MIS18A: variants seen among roughly 807,000 people sequenced by gnomAD.
MIS18A encodes the protein protein Mis18-alpha.
MIS18A carries 14 observed loss-of-function variants against 25.0 expected under a neutral mutation model. The observed-to-expected ratio is 0.56, with a 90% CI of 0.37 to 0.88. The LOEUF (loss-of-function observed/expected upper bound fraction) is 0.88. MIS18A is among the 40% of genes least tolerant of loss of function. MIS18A has a pLI of 0.00. For missense variants in MIS18A, 292 were observed against 290.8 expected, an observed-to-expected ratio of 1.00 and a Z score of -0.03; for synonymous variants, 134 against 118.6, an observed-to-expected ratio of 1.13 and a Z score of -0.84.
the MIS18A span, among the ~76,000 whole-genome samples, chr21:32,189,029 T>C: frequency 2.6e-5 from 4 of 152,218 alleles, no homozygotes; most frequent in Admixed American, 1.3e-4. Context: ...GGGCTGTCTA[T>C]AGGACCCCCT....
At chr21:32,207,153 C>T in the MIS18A span, among the ~76,000 whole-genome samples, 1,023 of 152,212 alleles carry the variant, frequency 6.7e-3, 13 homozygotes, top group African/African-American at 0.023. Context: ...TACCAGAATA[C>T]GAGGCGTGTT....
the MIS18A span, among the ~76,000 whole-genome samples, chr21:32,205,873 A>T: frequency 6.6e-6 from 1 of 152,170 alleles, no homozygotes; most frequent in African/African-American, 2.4e-5. Context: ...AAGAAAGGTC[A>T]GATTTGCCAT....
chr21:32,159,304 T>C, the MIS18A span, among the ~76,000 whole-genome samples: 9 of 152,340 alleles, frequency 5.9e-5, no homozygotes, highest in African/African-American at 2.2e-4. Context: ...AGAGCCAATA[T>C]TTAAAGTTAT....
the MIS18A span, among the ~76,000 whole-genome samples, chr21:32,205,460 C>G: frequency 1.3e-5 from 2 of 152,068 alleles, no homozygotes; most frequent in African/African-American, 4.8e-5. Flanking sequence ...AGATAGAGCA[C>G]CTGCAATGAA....
At chr21:32,276,882 G>C (rs952303028) in intron 1 of MIS18A, among the ~76,000 whole-genome samples, 1 of 152,136 alleles carries the variant, frequency 6.6e-6, no homozygotes, top group Non-Finnish European at 1.5e-5. Flanking sequence ...AGTGAGCTAT[G>C]ATTGCGCCAC....
downstream of MIS18A, among the ~76,000 whole-genome samples, chr21:32,263,708 G>A (rs1041455509): frequency 1.3e-5 from 2 of 151,894 alleles, no homozygotes; most frequent in Non-Finnish European, 2.9e-5. Context: ...TTTGGGTGTT[G>A]AAAAGAGAAG....
At chr21:32,245,478 A>G in the MIS18A span, among the ~76,000 whole-genome samples, 1 of 152,332 alleles carries the variant, frequency 6.6e-6, no homozygotes, top group African/African-American at 2.4e-5. Context: ...TCTCTGCATT[A>G]TAAGAGGAAT....
At chr21:32,252,276 AGGAGGAAG>A in the MIS18A span, among the ~76,000 whole-genome samples, 1 of 143,016 alleles carries the variant, frequency 7.0e-6, no homozygotes. Flanking sequence ...GAGGAGGAGG[AGGAGGAAG>A]AGAGAAGAGG....
the MIS18A span, among the ~76,000 whole-genome samples, chr21:32,253,611 G>A: frequency 6.6e-6 from 1 of 152,138 alleles, no homozygotes; most frequent in East Asian, 1.9e-4. Flanking sequence ...GGAGGGGAGC[G>A]GGAGAGTGAG....
rs941452772 is a variant in MIS18A at position 32,278,976 on chromosome 21, G to A, written c.39C>T (p.Cys13=). The change falls in exon 1 of 5, where the codon TGC becomes TGT. Residue 13 remains cysteine (C), a synonymous_variant. Transcript: ENST00000290130. The part of the protein sequence containing the change: ...GVRSLRCSRG[C]AGGCECGDKG... ...TGTCGCCGCACTCACAGCCGCCAGC[G>A]CATCCTCTGCTACACCTCAGTGACC... 1.2e-6 allele frequency: 2 copies of A among 1,610,908 alleles called. No homozygotes were observed. Among genetic ancestry groups the A allele is most frequent in the East Asian group, 2.2e-5 (1 of 44,854 alleles).
the MIS18A span, among the ~76,000 whole-genome samples, chr21:32,189,099 G>A: frequency 7.0e-6 from 1 of 142,038 alleles, no homozygotes; most frequent in Non-Finnish European, 1.5e-5. Context: ...CATGGAAGAG[G>A]GGAAGCGGCC....
At chr21:32,212,815 T>C in the MIS18A span, among the ~76,000 whole-genome samples, 1 of 152,024 alleles carries the variant, frequency 6.6e-6, no homozygotes, top group Non-Finnish European at 1.5e-5. Flanking sequence ...GAGTTTCCCC[T>C]GCACAAGCTC....
the MIS18A span, among the ~76,000 whole-genome samples, chr21:32,257,662 T>A: frequency 6.6e-6 from 1 of 152,154 alleles, no homozygotes; most frequent in Admixed American, 6.6e-5. Flanking sequence ...CGGAGCATCC[T>A]AATCCAACCC....
chr21:32,206,776 G>A, the MIS18A span, among the ~76,000 whole-genome samples: 8 of 152,232 alleles, frequency 5.3e-5, no homozygotes, highest in South Asian at 1.0e-3. Context: ...GGTTATTAAA[G>A]GAGATCAGGT....
chr21:32,270,005 TC>T (rs1452619527), intron 3 of MIS18A, among the ~76,000 whole-genome samples: 3 of 151,962 alleles, frequency 2.0e-5, no homozygotes, highest in Non-Finnish European at 4.4e-5. Flanking sequence ...GCCCAGGAGT[TC>T]AAGGATGCAG....
chr21:32,208,251 C>T, the MIS18A span, among the ~76,000 whole-genome samples: 1 of 152,288 alleles, frequency 6.6e-6, no homozygotes, highest in East Asian at 1.9e-4. Flanking sequence ...AATCTCTTGT[C>T]GAATTCTAAT....
chr21:32,269,893 T>A, intron 3 of MIS18A, 90 bp from the exon 4 acceptor site: 1 of 816,936 alleles, frequency 1.2e-6, no homozygotes, highest in Non-Finnish European at 2.1e-6. Flanking sequence ...AGAAGGATCA[T>A]CTGAGGCTAG....
the MIS18A span, among the ~76,000 whole-genome samples, chr21:32,237,140 T>C: frequency 1.4e-5 from 2 of 144,514 alleles, no homozygotes; most frequent in Non-Finnish European, 3.0e-5. Flanking sequence ...AAGAAAGCTA[T>C]AAAGGCCAGG....
chr21:32,273,523 TG>T (rs1416876052), intron 2 of MIS18A, among the ~76,000 whole-genome samples: 3 of 152,134 alleles, frequency 2.0e-5, no homozygotes, highest in Admixed American at 6.5e-5. Flanking sequence ...CTGTCAGAAC[TG>T]GGGACTAAGA....
Sources: allele counts gnomAD v4.1 joint callset (sites outside exome capture counted in the v4.1 genomes callset), GRCh38; gene constraint gnomAD v4.1.1; transcripts MANE v1.5; gene names NCBI Gene and HGNC (gene_info 2026-07-23, HGNC 2026-07-21).